Variants in CACNA2D4 observed in about 807,000 individuals in gnomAD.
CACNA2D4 encodes the protein calcium voltage-gated channel auxiliary subunit alpha2delta 4.
In CACNA2D4, 157 loss-of-function variants were observed where a neutral mutation model predicts 163.8. That is an observed-to-expected ratio of 0.96 (90% CI 0.84 to 1.09). CACNA2D4 has a LOEUF of 1.09. Ranked by LOEUF, CACNA2D4 falls within the 50% of genes least tolerant of loss-of-function variation. The probability of loss-of-function intolerance (pLI) is 0.00; values close to 1 mark genes in which losing one functional copy is unlikely to be tolerated. For missense variants in CACNA2D4, 1,410 were observed against 1,479.9 expected, an observed-to-expected ratio of 0.95 and a Z score of 0.78; for synonymous variants, 598 against 586.9, an observed-to-expected ratio of 1.02 and a Z score of -0.27.
At chr12:1,854,332 C>T (rs966927439) in intron 22 of CACNA2D4, among the ~76,000 whole-genome samples, 1 of 152,150 alleles carries the variant, frequency 6.6e-6, no homozygotes, top group Admixed American at 6.5e-5. Flanking sequence ...TTCCCAGTCT[C>T]CCCCATCTCA....
chr12:1,841,887 G>C (rs571168481), intron 25 of CACNA2D4, among the ~76,000 whole-genome samples: 5 of 152,142 alleles, frequency 3.3e-5, no homozygotes, highest in African/African-American at 1.2e-4. Flanking sequence ...CTGATTCCAG[G>C]AACTTCCAAT....
chr12:1,852,244 C>T (rs1865298662), intron 23 of CACNA2D4, among the ~76,000 whole-genome samples: 2 of 152,152 alleles, frequency 1.3e-5, no homozygotes, highest in African/African-American at 4.8e-5. Flanking sequence ...TTCCTTCTGG[C>T]CTTGTTAAAT....
chr12:1,915,141 T>C, intron 1 of CACNA2D4: 1 of 703,388 alleles, frequency 1.4e-6, no homozygotes, highest in East Asian at 2.7e-5. Context: ...CCCACACACA[T>C]GCATATGCAT....
At chr12:1,841,515 A>C (rs2154447707) in intron 25 of CACNA2D4, among the ~76,000 whole-genome samples, 1 of 152,320 alleles carries the variant, frequency 6.6e-6, no homozygotes, top group Non-Finnish European at 1.5e-5. Flanking sequence ...TCAGCTCCAC[A>C]TTGAAACAGA....
chr12:1,884,137 C>T, intron 12 of CACNA2D4, 106 bp downstream of exon 12: 1 of 934,944 alleles, frequency 1.1e-6, no homozygotes, highest in Non-Finnish European at 1.7e-6. Flanking sequence ...CACTGCTCCT[C>T]TTAGGGGCCC....
intron 26 of CACNA2D4, among the ~76,000 whole-genome samples, chr12:1,822,594 T>A (rs1354465231): frequency 1.3e-5 from 2 of 152,038 alleles, no homozygotes; most frequent in African/African-American, 4.8e-5. Flanking sequence ...GAGGGTCTGT[T>A]TGAGATTGAG....
At chr12:1,916,350 G>A (rs1374836228) in intron 1 of CACNA2D4, among the ~76,000 whole-genome samples, 1 of 147,840 alleles carries the variant, frequency 6.8e-6, no homozygotes, top group Non-Finnish European at 1.5e-5. Flanking sequence ...GTTTTACCTT[G>A]AAAGACACAA....
intron 27 of CACNA2D4, 72 bp downstream of exon 27, chr12:1,811,590 G>C: frequency 6.9e-7 from 1 of 1,453,418 alleles, no homozygotes; most frequent in South Asian, 1.2e-5. Flanking sequence ...TCCAAGGGGA[G>C]GGAGAGGGGG....
chr12:1,839,182 C>T (rs1216044434), intron 26 of CACNA2D4, among the ~76,000 whole-genome samples: 1 of 152,232 alleles, frequency 6.6e-6, no homozygotes, highest in East Asian at 1.9e-4. Flanking sequence ...CGTCCCCATC[C>T]TGCTGCGAGA....
chr12:1,844,365 A>ACTGGCCTGAGT lies in CACNA2D4; in HGVS notation c.2470+36_2470+37insACTCAGGCCAG, dbSNP rs771389149. ...GGAGGAGAGATGAGACTGGCCTGAG[A>ACTGGCCTGAGT]CTGGCCCAGCCCCGGGAGCACCGGG... On this transcript the variant is annotated intron_variant, in intron 25 of 37. Coordinates refer to ENST00000382722, the MANE Select transcript of CACNA2D4 (RefSeq NM_172364.5). The surrounding 1 kb of genome is among the most constrained non-coding windows in gnomAD (Gnocchi z 4.2). The ACTGGCCTGAGT allele has an allele frequency of 6.2e-7, 1 of 1,608,400 alleles. No homozygotes were observed.
At chr12:1,796,872 G>A (rs1381154978) in intron 35 of CACNA2D4, among the ~76,000 whole-genome samples, 1 of 152,202 alleles carries the variant, frequency 6.6e-6, no homozygotes, top group East Asian at 1.9e-4. Flanking sequence ...GCCTCCCCGG[G>A]GCCAGGGCGG....
rs367703730 is a variant in CACNA2D4 at position 1,810,494 on chromosome 12, G to A, written c.2658+49C>T. On this transcript the variant is annotated intron_variant, in intron 28 of 37. Transcript: ENST00000382722. ...AGCTGGCCTGCCAGGAGGACCGGGCGGAGGGCCATGGCTCCCTCCTCCACC... is the reference window on the plus strand; with the variant it reads ...AGCTGGCCTGCCAGGAGGACCGGGCAGAGGGCCATGGCTCCCTCCTCCACC... 4.0e-4 allele frequency: 613 copies of A among 1,544,146 alleles called. 1 individual carries two copies. Among genetic ancestry groups the A allele is most frequent in the South Asian group, 1.3e-3 (113 of 84,160 alleles).
chr12:1,886,319 G>T lies in CACNA2D4; in HGVS notation c.897C>A (p.Ser299Arg). 1 of 1,613,704 alleles carries T rather than the reference G, an allele frequency of 6.2e-7. No individual in the cohort carries two copies. The highest frequency in any genetic ancestry group is 8.5e-7 in the Non-Finnish European group (1 of 1,179,682). ...PKDIVILVDV[S>R]GSMKGLRMTI... Reference sequence around the variant, plus strand: ...TCATCCTCAGCCCCTTCATACTGCCGCTCACGTCCACCAAAATCACTATGT... The same window carrying T: ...TCATCCTCAGCCCCTTCATACTGCCTCTCACGTCCACCAAAATCACTATGT... The change falls in exon 8 of 38, where the codon AGC (serine) becomes AGA (arginine). Residue 299 changes from serine to arginine, a missense_variant. Transcript: ENST00000382722.
Position 1,834,592 on chromosome 12 carries a change from C to A in CACNA2D4, c.2551+6147G>T, listed in dbSNP as rs761303047. ...TCGTCTGCATCATGATGGTGGTGGC[C>A]GCTGCCTATGGCTGCATCTACGCCT... On this transcript the variant is annotated intron_variant, in intron 26 of 37. Transcript: ENST00000382722. The surrounding 1 kb of genome is among the most constrained non-coding windows in gnomAD (Gnocchi z 7.6). The A allele has an allele frequency of 6.2e-7, 1 of 1,600,422 alleles. No homozygotes were observed. The highest frequency in any genetic ancestry group is 1.1e-5 in the South Asian group (1 of 91,086).
intron 6 of CACNA2D4, among the ~76,000 whole-genome samples, chr12:1,888,622 A>G (rs1270771399): frequency 1.3e-5 from 2 of 152,266 alleles, no homozygotes; most frequent in African/African-American, 4.8e-5. Context: ...GCTTTCGGAG[A>G]TGAAAAAATG....
chr12:1,794,757 CG>C (rs1355679996), intron 37 of CACNA2D4, among the ~76,000 whole-genome samples: 3 of 152,202 alleles, frequency 2.0e-5, no homozygotes, highest in Non-Finnish European at 4.4e-5. Flanking sequence ...CACAGTGGCT[CG>C]GGGATTTTAT....
intron 18 of CACNA2D4, among the ~76,000 whole-genome samples, chr12:1,871,729 G>A (rs1224049220): frequency 6.6e-6 from 1 of 152,062 alleles, no homozygotes; most frequent in Admixed American, 6.5e-5. Flanking sequence ...TGGCATGTGT[G>A]TACAATACAC....
In CACNA2D4 at chr12:1,793,373, T is replaced by C. The variant is rs949387208; in HGVS notation, c.*282A>G. On this transcript the variant is annotated 3_prime_UTR_variant, in exon 38 of 38. Transcript: ENST00000382722. ...GGTCCAAGCTGAGCTCACGCTGGCT[T>C]CCCGAAGAGGAGACAGGAAGGTTAG... 9.7e-6 allele frequency: 5 copies of C among 514,502 alleles called. No homozygotes were observed. Among genetic ancestry groups the C allele is most frequent in the Non-Finnish European group, 1.8e-5 (5 of 285,244 alleles). 31.9% of individuals were successfully genotyped at this position (514,502 alleles called of 1,614,324 possible). A position where few individuals can be genotyped will look rare whatever the true frequency, so the allele number is the denominator to read the frequency against.
intron 26 of CACNA2D4, among the ~76,000 whole-genome samples, chr12:1,838,259 C>T (rs1020475575): frequency 4.6e-5 from 7 of 152,204 alleles, no homozygotes; most frequent in Non-Finnish European, 8.8e-5. Context: ...CAGTGACGCG[C>T]AGCCCGCCAC....
Sources: allele counts gnomAD v4.1 joint callset (sites outside exome capture counted in the v4.1 genomes callset), GRCh38; gene constraint gnomAD v4.1.1; non-coding constraint Gnocchi (gnomAD v3.1); transcripts MANE v1.5; gene names NCBI Gene and HGNC (gene_info 2026-07-23, HGNC 2026-07-21).